The following IQCM variants were observed in gnomAD, a reference collection of about 807,000 sequenced individuals.
The protein encoded by IQCM is IQ motif containing M, also known as IQ domain-containing protein M.
In IQCM, 45 loss-of-function variants were observed where a neutral mutation model predicts 57.6. The observed-to-expected ratio is 0.78, with a 90% CI of 0.62 to 1.00. The LOEUF (loss-of-function observed/expected upper bound fraction) is 1.00. Ranked by LOEUF, IQCM falls within the 50% of genes least tolerant of loss-of-function variation. The probability of loss-of-function intolerance (pLI) is 0.00; values close to 1 mark genes in which losing one functional copy is unlikely to be tolerated. For missense variants in IQCM, 468 were observed against 511.6 expected, an observed-to-expected ratio of 0.91 and a Z score of 0.82; for synonymous variants, 148 against 158.9, an observed-to-expected ratio of 0.93 and a Z score of 0.51.
chr4:149,627,581 T>C (rs982164449), intron 7 of IQCM, among the ~76,000 whole-genome samples: 1 of 152,068 alleles, frequency 6.6e-6, no homozygotes, highest in Non-Finnish European at 1.5e-5. Context: ...AGAAAACATA[T>C]TATGTCCCTT....
At chr4:149,626,392 C>CATATATATATATATATATATAT (rs371051488) in intron 7 of IQCM, among the ~76,000 whole-genome samples, 13,110 of 118,968 alleles carry the variant, frequency 0.11, 1,321 homozygotes, top group Non-Finnish European at 0.16. Flanking sequence ...ACTTAATAAA[C>CATATATATATATATATATATAT]ATATATATAT....
At chr4:149,438,423 A>G (rs1436860154) in intron 12 of IQCM, among the ~76,000 whole-genome samples, 1 of 152,072 alleles carries the variant, frequency 6.6e-6, no homozygotes, top group East Asian at 1.9e-4. Context: ...TTAGTATGGA[A>G]TTTTCATATG....
At chr4:149,462,458 T>C (rs776289370) in intron 12 of IQCM, among the ~76,000 whole-genome samples, 35 of 152,170 alleles carry the variant, frequency 2.3e-4, no homozygotes, top group Non-Finnish European at 4.3e-4. Flanking sequence ...AGGTAGAGGA[T>C]GGAGTGTTAG....
Position 149,617,306 on chromosome 4 carries a change from G to T in IQCM, c.681+3823C>A, listed in dbSNP as rs550339070. On this transcript the variant is annotated intron_variant, in intron 8 of 13. Transcript: ENST00000636793. ...AAAAAACAAACAAAAAAAGAACTTG[G>T]TGTTTGATTCCTGTTATAGGTGTTG... Among the ~76,000 whole-genome samples the T allele has an allele frequency of 9.9e-5, 15 of 152,230 alleles. No individual in the cohort carries two copies. The East Asian group carries it at 1.4e-3, about 14-fold the overall frequency.
At chr4:149,725,774 ATC>A (rs1007029184) in intron 5 of IQCM, among the ~76,000 whole-genome samples, 1 of 151,982 alleles carries the variant, frequency 6.6e-6, no homozygotes, top group Non-Finnish European at 1.5e-5. Flanking sequence ...GCTGACCTCA[ATC>A]TCCATAGACC....
At chr4:149,714,600 A>G (rs564980649) in intron 5 of IQCM, among the ~76,000 whole-genome samples, 1 of 152,292 alleles carries the variant, frequency 6.6e-6, no homozygotes, top group South Asian at 2.1e-4. Flanking sequence ...ACCAAATCCT[A>G]TATGTACCAT....
chr4:149,395,055 G>A (rs1001687839), intron 13 of IQCM, among the ~76,000 whole-genome samples: 1 of 151,966 alleles, frequency 6.6e-6, no homozygotes, highest in African/African-American at 2.4e-5. Flanking sequence ...GGAATAGGAA[G>A]AACACATGTC....
intron 12 of IQCM, among the ~76,000 whole-genome samples, chr4:149,461,692 G>A (rs1471513266): frequency 6.7e-6 from 1 of 148,942 alleles, no homozygotes; most frequent in Non-Finnish European, 1.5e-5. Context: ...GAAAGAAAAA[G>A]AACATGAAAA....
chr4:149,612,470 C>T (rs1561058716), intron 8 of IQCM, among the ~76,000 whole-genome samples: 1 of 151,980 alleles, frequency 6.6e-6, no homozygotes, highest in Non-Finnish European at 1.5e-5. Context: ...CTTTGTGAAA[C>T]AAGGTGAGTT....
At chr4:149,365,211 CA>C (rs1376557379) in intron 13 of IQCM, among the ~76,000 whole-genome samples, 1 of 151,836 alleles carries the variant, frequency 6.6e-6, no homozygotes, top group Non-Finnish European at 1.5e-5. Context: ...GTAGTGACAG[CA>C]AGTAAGGAAA....
intron 13 of IQCM, among the ~76,000 whole-genome samples, chr4:149,370,508 CAT>C (rs150414906): frequency 2.0e-4 from 30 of 150,034 alleles, no homozygotes; most frequent in Admixed American, 4.0e-4. Context: ...TCATCATTTG[CAT>C]ATATATATAT....
At chr4:149,690,274 C>T (rs1762851804) in intron 5 of IQCM, among the ~76,000 whole-genome samples, 1 of 152,082 alleles carries the variant, frequency 6.6e-6, no homozygotes, top group African/African-American at 2.4e-5. Flanking sequence ...GCATTTGCAG[C>T]AACCTGGATG....
rs1345017318 is a variant in IQCM, at chr4:149,725,026, G to A, written c.385+8218C>T. On this transcript the variant is annotated intron_variant, in intron 5 of 13. Coordinates refer to ENST00000636793, the MANE Select transcript of IQCM (RefSeq NM_001363507.2). ...AGAATATCTATACACAGAAAGAGAA[G>A]ATAATTTCATATTTTTCCTGACTGC... Among the ~76,000 whole-genome samples the A allele has an allele frequency of 3.9e-5, 6 of 152,048 alleles. No homozygotes were observed. The East Asian group carries it at 9.6e-4, about 24-fold the overall frequency.
intron 13 of IQCM, among the ~76,000 whole-genome samples, chr4:149,376,788 G>A (rs967943472): frequency 6.6e-6 from 1 of 152,046 alleles, no homozygotes; most frequent in African/African-American, 2.4e-5. Flanking sequence ...TTATCTAATT[G>A]AGTCTGATAT....
intron 8 of IQCM, among the ~76,000 whole-genome samples, chr4:149,601,032 C>G (rs1197234398): frequency 6.6e-6 from 1 of 152,118 alleles, no homozygotes; most frequent in Non-Finnish European, 1.5e-5. Flanking sequence ...AATTTCTGCA[C>G]TTCAGGTATT....
intron 2 of IQCM, among the ~76,000 whole-genome samples, chr4:149,761,235 G>A (rs1012065547): frequency 1.3e-5 from 2 of 151,798 alleles, no homozygotes; most frequent in Non-Finnish European, 2.9e-5. Flanking sequence ...CCTTAATCGT[G>A]GATCTATTTA....
Position 149,582,200 on chromosome 4 carries a change from C to A in IQCM, c.749+5730G>T, listed in dbSNP as rs186664670. On this transcript the variant is annotated intron_variant, in intron 9 of 13. Coordinates refer to ENST00000636793, the MANE Select transcript of IQCM (RefSeq NM_001363507.2). ...GACATTACTTGAGTCCTTGAGTCAT[C>A]TGAGCCTGAGATGCTAAACCAATAC... 6.0e-5 allele frequency among the ~76,000 whole-genome samples: 9 copies of A among 149,536 alleles called. No homozygotes were observed. In the East Asian group the frequency reaches 1.8e-3, roughly 30 times the overall value.
intron 7 of IQCM, among the ~76,000 whole-genome samples, chr4:149,655,559 A>G (rs1378718659): frequency 6.6e-6 from 1 of 152,156 alleles, no homozygotes; most frequent in African/African-American, 2.4e-5. Flanking sequence ...GAATCATACA[A>G]AATGGTATAT....
intron 5 of IQCM, among the ~76,000 whole-genome samples, chr4:149,689,213 G>C (rs1187725309): frequency 6.6e-6 from 1 of 152,064 alleles, no homozygotes; most frequent in Non-Finnish European, 1.5e-5. Context: ...TATACACCAT[G>C]GAATACTATG....
Sources: allele counts gnomAD v4.1 joint callset (sites outside exome capture counted in the v4.1 genomes callset), GRCh38; gene constraint gnomAD v4.1.1; transcripts MANE v1.5; gene names NCBI Gene and HGNC (gene_info 2026-07-23, HGNC 2026-07-21).